CSMD2: variants seen among roughly 807,000 people sequenced by gnomAD.
CSMD2 encodes CUB and Sushi multiple domains 2.
In CSMD2, 130 loss-of-function variants were observed where a neutral mutation model predicts 398.5. That is an observed-to-expected ratio of 0.33 (90% CI 0.28 to 0.38). The LOEUF is 0.38. CSMD2 is among the 10% of genes least tolerant of loss of function. CSMD2 has a pLI of 1.00. For missense variants in CSMD2, 3,829 were observed against 4,764.9 expected, an observed-to-expected ratio of 0.80 and a Z score of 5.78; for synonymous variants, 1,828 against 1,908.5, an observed-to-expected ratio of 0.96 and a Z score of 1.10.
At chr1:33,941,819 T>C (rs1644684246) in intron 3 of CSMD2, among the ~76,000 whole-genome samples, 1 of 151,948 alleles carries the variant, frequency 6.6e-6, no homozygotes, top group Non-Finnish European at 1.5e-5. Context: ...TCAACTGATA[T>C]ATATTTATAT....
intron 13 of CSMD2, among the ~76,000 whole-genome samples, chr1:33,751,485 G>A (rs1158243356): frequency 6.6e-6 from 1 of 152,180 alleles, no homozygotes; most frequent in Non-Finnish European, 1.5e-5. Context: ...TCAGAAATCA[G>A]AATGGAGTGG....
At chr1:33,875,145 C>T (rs1640750372) in intron 5 of CSMD2, among the ~76,000 whole-genome samples, 1 of 152,186 alleles carries the variant, frequency 6.6e-6, no homozygotes, top group South Asian at 2.1e-4. Flanking sequence ...ATCCCAGAGA[C>T]AGGGCAGACA....
At chr1:34,145,261 T>C (rs780196076) in intron 1 of CSMD2, among the ~76,000 whole-genome samples, 1 of 152,210 alleles carries the variant, frequency 6.6e-6, no homozygotes, top group African/African-American at 2.4e-5. Flanking sequence ...GTATAGCTCA[T>C]GGCCTCAACT....
chr1:33,821,079 C>G (rs1658091191), intron 7 of CSMD2, among the ~76,000 whole-genome samples: 1 of 152,202 alleles, frequency 6.6e-6, no homozygotes. Context: ...AGCTCAAACA[C>G]AGACATTTCT....
At chr1:33,535,574 G>A (rs1156760648) in intron 62 of CSMD2, among the ~76,000 whole-genome samples, 1 of 152,194 alleles carries the variant, frequency 6.6e-6, no homozygotes, top group African/African-American at 2.4e-5. Context: ...ATGTGCAAGA[G>A]TGCCTCTGGG....
chr1:33,564,169 G>A (rs1658834995), intron 53 of CSMD2, among the ~76,000 whole-genome samples: 1 of 152,184 alleles, frequency 6.6e-6, no homozygotes, highest in Non-Finnish European at 1.5e-5. Context: ...TATCTTATGT[G>A]TATTAATTTA....
Position 33,830,235 on chromosome 1 carries a change from G to A in CSMD2, c.1034-4461C>T, listed in dbSNP as rs989596627. 3.7e-4 allele frequency among the ~76,000 whole-genome samples: 57 copies of A among 152,274 alleles called. 1 individual carries two copies. The South Asian group carries it at 6.4e-3, about 17-fold the overall frequency. ...AGTGGGTCCCTGACCCTTGACCCCC[G>A]AGCAGCCTAACTGGGAGGCACCCCC... is the stretch of plus-strand genomic sequence containing the variant. On this transcript the variant is annotated intron_variant, in intron 6 of 70. Coordinates refer to ENST00000373381, the MANE Select transcript of CSMD2 (RefSeq NM_001281956.2).
intron 10 of CSMD2, among the ~76,000 whole-genome samples, chr1:33,807,989 C>A (rs1388952493): frequency 6.6e-6 from 1 of 151,978 alleles, no homozygotes; most frequent in Non-Finnish European, 1.5e-5. Context: ...AGGGAAAAAG[C>A]CTTTAAGGTT....
intron 10 of CSMD2, among the ~76,000 whole-genome samples, chr1:33,806,440 G>A (rs1390573266): frequency 2.6e-5 from 4 of 152,112 alleles, no homozygotes; most frequent in Non-Finnish European, 5.9e-5. Flanking sequence ...ACCCTCTCTG[G>A]AAGAACCCAC....
At chr1:33,902,052 T>G (rs1449774078) in intron 5 of CSMD2, among the ~76,000 whole-genome samples, 1 of 152,176 alleles carries the variant, frequency 6.6e-6, no homozygotes, top group Non-Finnish European at 1.5e-5. Flanking sequence ...TGAGTTCTAT[T>G]CTCAGGAATC....
rs570504701 is a variant in CSMD2 at position 33,592,575 on chromosome 1, T to C, written c.6857-5407A>G. On this transcript the variant is annotated intron_variant, in intron 44 of 70. Transcript: ENST00000373381. The stretch of plus-strand genomic sequence containing the variant: ...TGTAGCTAATCATATTGTGTTAAGG[T>C]TTTGGATCTGCAATTCTCAAACTAC... 143 of 701,846 alleles carry C rather than the reference T, an allele frequency of 2.0e-4. 1 individual carries two copies. In the Middle Eastern group the frequency reaches 0.011, roughly 52 times the overall value. The allele number at this position is 701,846 out of a possible 1,614,324, so 43.5% of individuals were successfully genotyped here. A position where few individuals can be genotyped will look rare whatever the true frequency, so the allele number is the denominator to read the frequency against.
At chr1:33,735,446 C>T (rs947263773) in intron 15 of CSMD2, among the ~76,000 whole-genome samples, 8 of 152,072 alleles carry the variant, frequency 5.3e-5, no homozygotes, top group African/African-American at 1.2e-4. Flanking sequence ...CTTCACTACC[C>T]GGAAGTCTTT....
At chr1:33,827,932 G>A (rs1659015886) in intron 6 of CSMD2, among the ~76,000 whole-genome samples, 1 of 152,138 alleles carries the variant, frequency 6.6e-6, no homozygotes, top group Admixed American at 6.5e-5. Flanking sequence ...GAAAACTCAG[G>A]TATTTGCTCT....
At position 33,533,257 on chromosome 1, in the gene CSMD2, C is replaced by G. The variant is rs553711620; in HGVS notation, c.9992-28G>C. On this transcript the variant is annotated intron_variant, in intron 63 of 70. Coordinates refer to ENST00000373381, the MANE Select transcript of CSMD2 (RefSeq NM_001281956.2). The surrounding 1 kb of genome is among the most constrained non-coding windows in gnomAD (Gnocchi z 4.2). ...GGATGAGAGGAAAGACCCTGTTGGA[C>G]TGGAGGAGATTAGGGGCTTCAGGGG... The G allele has an allele frequency of 6.2e-7, 1 of 1,610,026 alleles. No homozygotes were observed. The highest frequency in any genetic ancestry group is 2.2e-5 in the East Asian group (1 of 44,834).
intron 12 of CSMD2, among the ~76,000 whole-genome samples, chr1:33,781,343 C>T (rs768791391): frequency 6.6e-5 from 10 of 152,216 alleles, no homozygotes; most frequent in South Asian, 6.2e-4. Context: ...ATTTGCTGCC[C>T]CTCCTTTGTA....
At chr1:33,579,806 G>A (rs1377928536) in intron 48 of CSMD2, among the ~76,000 whole-genome samples, 2 of 151,988 alleles carry the variant, frequency 1.3e-5, no homozygotes, top group East Asian at 3.9e-4. Context: ...AGCCTCCCAA[G>A]TAGCTGAAAT....
chr1:34,056,565 T>C (rs1019590298), intron 2 of CSMD2, among the ~76,000 whole-genome samples: 8 of 152,224 alleles, frequency 5.3e-5, no homozygotes, highest in African/African-American at 1.9e-4. Flanking sequence ...TTCCCCTTCA[T>C]CAAATGTACG....
rs138048909 is a variant in CSMD2 at position 33,727,821 on chromosome 1, G to A, written c.2369-1136C>T. 4.6e-3 allele frequency among the ~76,000 whole-genome samples: 704 copies of A among 152,172 alleles called. 5 individuals carry two copies. Among genetic ancestry groups the A allele is most frequent in the South Asian group, 0.026 (124 of 4,804 alleles). On this transcript the variant is annotated intron_variant, in intron 15 of 70. Transcript: ENST00000373381. ...GATTTGGAGGTTGTAAGTTAACACC[G>A]TGTAGCCTAGCCCACCCAGACTAGC... is the stretch of plus-strand genomic sequence containing the variant.
At chr1:33,908,390 T>C (rs1643248434) in intron 5 of CSMD2, among the ~76,000 whole-genome samples, 1 of 152,218 alleles carries the variant, frequency 6.6e-6, no homozygotes, top group Non-Finnish European at 1.5e-5. Flanking sequence ...CTTCCATCTG[T>C]CTTAGCGGCA....
Sources: gnomAD v4.1 joint callset for allele counts (sites outside exome capture counted in the v4.1 genomes callset) on GRCh38, gnomAD v4.1.1 for gene constraint, Gnocchi (gnomAD v3.1) non-coding constraint, MANE v1.5 for transcripts, NCBI Gene and HGNC (gene_info 2026-07-23, HGNC 2026-07-21) for gene names.